RAB40B: variants seen among roughly 807,000 people sequenced by gnomAD.
RAB40B encodes ras-related protein Rab-40B.
A neutral mutation model predicts 24.0 loss-of-function variants in RAB40B; 21 were observed. The observed-to-expected ratio is 0.88, with a 90% CI of 0.62 to 1.26. The LOEUF is 1.26. RAB40B is among the 50% of genes most tolerant of loss of function. The pLI is 0.00. For synonymous variants in RAB40B, 167 were observed against 169.8 expected (o/e 0.98, Z 0.13); for missense variants, 348 against 390.5 (o/e 0.89, Z 0.92).
Position 82,658,537 on chromosome 17 carries a change from G to C in RAB40B, c.519C>G (p.Ile173Met). Reference sequence around the variant, plus strand: ...GGTCCATCCCATGCCGCAGCAGCACGATCCTGGCCAGCTCCGTGAACGACT... The same window carrying C: ...GGTCCATCCCATGCCGCAGCAGCACCATCCTGGCCAGCTCCGTGAACGACT... ...ITESFTELAR[I>M]VLLRHGMDRL... is the part of the protein sequence containing the mutation. Residue 173 changes from isoleucine to methionine, a missense_variant, in exon 5 of 6, where the codon ATC becomes ATG. Around this residue, in one of 3 missense-constraint regions of RAB40B, gnomAD observed 126 missense variants for 181.0 expected, o/e 0.70. Coordinates refer to ENST00000571995, the MANE Select transcript of RAB40B (RefSeq NM_006822.3). The C allele has an allele frequency of 6.2e-7, 1 of 1,613,104 alleles. No homozygotes were observed. Among genetic ancestry groups the C allele is most frequent in the Non-Finnish European group, 8.5e-7 (1 of 1,179,970 alleles).
intron 1 of RAB40B, among the ~76,000 whole-genome samples, chr17:82,683,805 CAAAAAAAA>C (rs35145848): frequency 1.1e-4 from 10 of 90,798 alleles, no homozygotes; most frequent in Non-Finnish European, 1.6e-4. Flanking sequence ...ACCCTGTTTC[CAAAAAAAA>C]AAAAAAAAAA....
chr17:82,680,224 A>G (rs2046436015), intron 1 of RAB40B, among the ~76,000 whole-genome samples: 1 of 152,198 alleles, frequency 6.6e-6, no homozygotes, highest in Admixed American at 6.5e-5. Context: ...TGGACCCCAC[A>G]CTGGGGCCTG....
chr17:82,657,751 G>T lies in RAB40B; in HGVS notation c.*112C>A. 3 of 1,300,294 alleles carry T rather than the reference G, an allele frequency of 2.3e-6. No homozygotes were observed. The highest frequency in any genetic ancestry group is 2.2e-6 in the Non-Finnish European group (2 of 896,262). 80.5% of individuals were successfully genotyped at this position (1,300,294 alleles called of 1,614,324 possible). A position where few individuals can be genotyped will look rare whatever the true frequency, so the allele number is the denominator to read the frequency against. ...CACACGGAAGGCGTCGCACACATTC[G>T]CAAGCAGCATTCGCCGAGAGGAACC... is the stretch of plus-strand genomic sequence containing the variant. On this transcript the variant is annotated 3_prime_UTR_variant, in exon 6 of 6. Transcript: ENST00000571995.
Position 82,659,441 on chromosome 17 carries a change from T to C in RAB40B, c.342+139A>G, listed in dbSNP as rs1194336838. Reference sequence around the variant, plus strand: ...GTTGTGCCGAGGTGAGGCACCCTCCTTCCTGCTGGAGCGCCATCCGGTGCC... The same window carrying C: ...GTTGTGCCGAGGTGAGGCACCCTCCCTCCTGCTGGAGCGCCATCCGGTGCC... On this transcript the variant is annotated intron_variant, in intron 4 of 5. Transcript: ENST00000571995. 5.5e-6 allele frequency: 4 copies of C among 733,390 alleles called. No individual in the cohort carries two copies. The East Asian group carries it at 1.1e-4, about 19-fold the overall frequency. The allele number at this position is 733,390 out of a possible 1,614,324, so 45.4% of individuals were successfully genotyped here. A position where few individuals can be genotyped will look rare whatever the true frequency, so the allele number is the denominator to read the frequency against.
intron 1 of RAB40B, among the ~76,000 whole-genome samples, chr17:82,681,720 G>A (rs2046450686): frequency 6.6e-6 from 1 of 152,102 alleles, no homozygotes; most frequent in Non-Finnish European, 1.5e-5. Flanking sequence ...ATGCAAGGTT[G>A]GTTCGACCTT....
In RAB40B at chr17:82,657,735, G is replaced by C. The variant is rs754155710; in HGVS notation, c.*128C>G. 1 of 1,111,942 alleles carries C rather than the reference G, an allele frequency of 9.0e-7. No individual in the cohort carries two copies. The highest frequency in any genetic ancestry group is 1.2e-5 in the South Asian group (1 of 80,764). 68.9% of individuals were successfully genotyped at this position (1,111,942 alleles called of 1,614,324 possible). ...GGTAGTGTGTTTCCATCACACGGAA[G>C]GCGTCGCACACATTCGCAAGCAGCA... On this transcript the variant is annotated 3_prime_UTR_variant, in exon 6 of 6. Transcript: ENST00000571995.
chr17:82,674,936 G>A (rs1030340910), intron 1 of RAB40B, among the ~76,000 whole-genome samples: 3 of 152,112 alleles, frequency 2.0e-5, no homozygotes, highest in Non-Finnish European at 2.9e-5. Context: ...ATCCAGCCAC[G>A]CCTGAAACTA....
In RAB40B at chr17:82,659,633, C is replaced by G; in HGVS notation, c.289G>C (p.Ala97Pro). Residue 97 changes from alanine (A) to proline (P), a missense_variant, in exon 4 of 6, where the codon GCG becomes CCG. Physicochemically the swap from Ala to Pro is conservative, Grantham distance 27. Around this residue, in one of 3 missense-constraint regions of RAB40B, gnomAD observed 126 missense variants for 181.0 expected, o/e 0.70. Transcript: ENST00000571995. The stretch of plus-strand genomic sequence containing the variant: ...ATGCCGTCAAAAGACCAGCGGTTCG[C>G]AATGTCATAGACCAGGATCACACCC... ...AQGVILVYDI[A>P]NRWSFDGIDR... 6.2e-7 allele frequency: 1 copy of G among 1,614,164 alleles called. No homozygotes were observed. Among genetic ancestry groups the G allele is most frequent in the Non-Finnish European group, 8.5e-7 (1 of 1,180,040 alleles).
rs904185169 is a variant in RAB40B at position 82,663,070 on chromosome 17, G to T, written c.203+1426C>A. Among the ~76,000 whole-genome samples the T allele has an allele frequency of 1.3e-5, 2 of 152,178 alleles. No individual in the cohort carries two copies. Among genetic ancestry groups the T allele is most frequent in the African/African-American group, 4.8e-5 (2 of 41,440 alleles). On this transcript the variant is annotated intron_variant, in intron 2 of 5. Transcript: ENST00000571995. This position sits in a 1 kb window ranked among gnomAD's most constrained non-coding sequence, Gnocchi z 6.2. Reference sequence around the variant, plus strand: ...CCAGCTGGCGGAGGGTGGGGAGCAGGACAGGGGCTGACGGCAACCCCAACG... The same window carrying T: ...CCAGCTGGCGGAGGGTGGGGAGCAGTACAGGGGCTGACGGCAACCCCAACG...
intron 1 of RAB40B, among the ~76,000 whole-genome samples, chr17:82,680,411 T>G (rs1217167357): frequency 6.6e-6 from 1 of 152,134 alleles, no homozygotes; most frequent in African/African-American, 2.4e-5. Flanking sequence ...GTGTGTGAGC[T>G]TCTCAACTCA....
At chr17:82,698,257 C>T (rs919600171) in intron 1 of RAB40B, among the ~76,000 whole-genome samples, 198 bp downstream of exon 1, 1 of 151,758 alleles carries the variant, frequency 6.6e-6, no homozygotes, top group African/African-American at 2.4e-5. Context: ...AAGGCCCGCC[C>T]GCGAACCGCG....
chr17:82,664,160 G>C (rs1402588588), intron 2 of RAB40B, among the ~76,000 whole-genome samples: 1 of 107,426 alleles, frequency 9.3e-6, no homozygotes, highest in Admixed American at 9.3e-5. Flanking sequence ...GTGGGAGGGT[G>C]TTCCCCGGGG....
rs2046399629 is a variant in RAB40B at position 82,676,872 on chromosome 17, T to C, written c.143-12316A>G. Among the ~76,000 whole-genome samples, 3 of 152,110 alleles carry C rather than the reference T, an allele frequency of 2.0e-5. No individual in the cohort carries two copies. The South Asian group carries it at 6.2e-4, about 32-fold the overall frequency. ...AACTCCTGACCTCAGGTGATCCACC[T>C]GTCTCAGCCTCCCAAAGTGCTGGGA... On this transcript the variant is annotated intron_variant, in intron 1 of 5. Transcript: ENST00000571995.
chr17:82,659,510 G>T, intron 4 of RAB40B, 70 bp downstream of exon 4: 1 of 1,503,224 alleles, frequency 6.7e-7, no homozygotes, highest in Non-Finnish European at 9.3e-7. Context: ...GGAGGGCCCG[G>T]CCCTAATTCC....
In RAB40B at chr17:82,672,342, ACACT is replaced by A. The variant is rs139073542; in HGVS notation, c.143-7790_143-7787del. Among the ~76,000 whole-genome samples, 35 of 62,168 alleles carry A rather than the reference ACACT, an allele frequency of 5.6e-4. 8 individuals are homozygous for A. The highest frequency in any genetic ancestry group is 9.1e-4 in the Non-Finnish European group (19 of 20,794). 40.8% of individuals were successfully genotyped at this position (62,168 alleles called of 152,430 possible). A position where few individuals can be genotyped will look rare whatever the true frequency, so the allele number is the denominator to read the frequency against. ...CCCCACCCCTGTAACTCTAACACAC[ACACT>A]CACACGCTCCCTGTACCCACTGACA... is the stretch of plus-strand genomic sequence containing the variant. On this transcript the variant is annotated intron_variant, in intron 1 of 5. Coordinates refer to ENST00000571995, the MANE Select transcript of RAB40B (RefSeq NM_006822.3).
rs1598306616 is a variant in RAB40B, at chr17:82,675,058, G to A, written c.143-10502C>T. Among the ~76,000 whole-genome samples the A allele has an allele frequency of 6.6e-6, 1 of 152,184 alleles. No individual in the cohort carries two copies. Among genetic ancestry groups the A allele is most frequent in the East Asian group, 1.9e-4 (1 of 5,186 alleles). Reference sequence around the variant, plus strand: ...AAATGTCTGGTAGAAAACCCACAAAGCACAATGACTGGAGAGAGAGAGAGA... The same window carrying A: ...AAATGTCTGGTAGAAAACCCACAAAACACAATGACTGGAGAGAGAGAGAGA... On this transcript the variant is annotated intron_variant, in intron 1 of 5. Coordinates refer to ENST00000571995, the MANE Select transcript of RAB40B (RefSeq NM_006822.3). The surrounding 1 kb of genome is among the most constrained non-coding windows in gnomAD (Gnocchi z 4.5).
intron 1 of RAB40B, among the ~76,000 whole-genome samples, chr17:82,677,238 C>T (rs771270963): frequency 7.2e-5 from 11 of 152,334 alleles, no homozygotes; most frequent in African/African-American, 2.6e-4. Context: ...TGAGCCACCG[C>T]TCCCGGCCAG....
In RAB40B at chr17:82,655,051, A is replaced by C. The variant is rs762803624; in HGVS notation, c.*2812T>G. The stretch of plus-strand genomic sequence containing the variant: ...TCTTCTACTTAGTCCGGTCTGTATT[A>C]GGTTTCGTCTGTTTTTGTTCTGCCT... On this transcript the variant is annotated 3_prime_UTR_variant, in exon 6 of 6. Coordinates refer to ENST00000571995, the MANE Select transcript of RAB40B (RefSeq NM_006822.3). 6.6e-6 allele frequency: 1 copy of C among 152,172 alleles called. No homozygotes were observed. The highest frequency in any genetic ancestry group is 6.5e-5 in the Admixed American group (1 of 15,280). 9.4% of individuals were successfully genotyped at this position (152,172 alleles called of 1,614,324 possible). A position where few individuals can be genotyped will look rare whatever the true frequency, so the allele number is the denominator to read the frequency against.
At chr17:82,678,669 A>C (rs1254091080) in intron 1 of RAB40B, among the ~76,000 whole-genome samples, 1 of 152,164 alleles carries the variant, frequency 6.6e-6, no homozygotes, top group Admixed American at 6.5e-5. Context: ...GTTGAGTTAA[A>C]ACACCGGAAA....
Sources: gnomAD v4.1 joint callset for allele counts (sites outside exome capture counted in the v4.1 genomes callset) on GRCh38, gnomAD v4.1.1 for gene constraint, gnomAD v4.1.1 regional missense constraint, Gnocchi (gnomAD v3.1) non-coding constraint, MANE v1.5 for transcripts, NCBI Gene and HGNC (gene_info 2026-07-23, HGNC 2026-07-21) for gene names.